Variants in ADGRF5 observed in about 807,000 individuals in gnomAD.
ADGRF5 encodes adhesion G protein-coupled receptor F5.
Under a neutral mutation model 132.3 loss-of-function variants are expected in ADGRF5, and 75 were observed. The observed-to-expected ratio is 0.57, with a 90% CI of 0.47 to 0.69. The LOEUF is 0.69. Ranked by LOEUF, ADGRF5 falls within the 30% of genes least tolerant of loss-of-function variation. The pLI is 0.00. For missense variants in ADGRF5, 1,516 were observed against 1,630.6 expected, an observed-to-expected ratio of 0.93 and a Z score of 1.21; for synonymous variants, 629 against 597.6, an observed-to-expected ratio of 1.05 and a Z score of -0.77.
intron 4 of ADGRF5, among the ~76,000 whole-genome samples, chr6:46,886,000 A>G (rs1773035997): frequency 6.6e-6 from 1 of 152,212 alleles, no homozygotes; most frequent in Non-Finnish European, 1.5e-5. Flanking sequence ...GTGCAAGTAA[A>G]TTTGTGTCTT....
At chr6:46,892,544 G>T (rs1269646274) in intron 3 of ADGRF5, among the ~76,000 whole-genome samples, 1 of 152,146 alleles carries the variant, frequency 6.6e-6, no homozygotes, top group African/African-American at 2.4e-5. Context: ...AAGGTCAGGA[G>T]TTCGAGACCT....
chr6:46,940,498 G>T lies in ADGRF5; in HGVS notation c.-25+14236C>A, dbSNP rs112730578. On this transcript the variant is annotated intron_variant, in intron 1 of 20. Transcript: ENST00000265417. The stretch of plus-strand genomic sequence containing the variant: ...CAATGGAGGAAATAACAGCCCTCAG[G>T]ATATATTTCAGCCTTAGCCAGTTGG... 9.9e-3 allele frequency among the ~76,000 whole-genome samples: 1,514 copies of T among 152,172 alleles called. 25 individuals carry two copies. The highest frequency in any genetic ancestry group is 0.033 in the African/African-American group (1,374 of 41,504).
intron 1 of ADGRF5, among the ~76,000 whole-genome samples, chr6:46,944,680 TATACTA>T (rs1778232329): frequency 6.6e-6 from 1 of 152,220 alleles, no homozygotes; most frequent in African/African-American, 2.4e-5. Context: ...ACGGTTCTCT[TATACTA>T]ATATATTATA....
intron 3 of ADGRF5, among the ~76,000 whole-genome samples, chr6:46,893,058 A>ATTTTT (rs35014340): frequency 0.037 from 3,202 of 86,720 alleles, 390 homozygotes; most frequent in Non-Finnish European, 0.047. Flanking sequence ...GACAACAGGG[A>ATTTTT]TTTTTTTTTT....
intron 15 of ADGRF5, among the ~76,000 whole-genome samples, 186 bp downstream of exon 15, chr6:46,862,702 G>GTTTTT (rs1562148328): frequency 2.6e-4 from 9 of 34,382 alleles, no homozygotes; most frequent in Admixed American, 5.1e-4. Flanking sequence ...TTGAATTGAG[G>GTTTTT]CTTTTTTTTT....
intron 1 of ADGRF5, among the ~76,000 whole-genome samples, chr6:46,945,789 G>C (rs1431410732): frequency 6.6e-6 from 1 of 152,216 alleles, no homozygotes; most frequent in Non-Finnish European, 1.5e-5. Flanking sequence ...AGGTTTAATG[G>C]ACTCACATTT....
chr6:46,877,823 C>G (rs1771984474), intron 10 of ADGRF5, among the ~76,000 whole-genome samples: 1 of 152,116 alleles, frequency 6.6e-6, no homozygotes, highest in Non-Finnish European at 1.5e-5. Context: ...AGGAGAAGCT[C>G]CAAGTCAGAC....
intron 1 of ADGRF5, among the ~76,000 whole-genome samples, chr6:46,927,394 G>A (rs1366109341): frequency 2.0e-5 from 3 of 152,180 alleles, no homozygotes; most frequent in Admixed American, 1.3e-4. Context: ...CACAAGCAGC[G>A]TTAGTGTCAG....
At chr6:46,952,780 A>G (rs746228890) in intron 1 of ADGRF5, among the ~76,000 whole-genome samples, 10 of 152,236 alleles carry the variant, frequency 6.6e-5, no homozygotes, top group Non-Finnish European at 7.3e-5. Flanking sequence ...GGGTTTAGAC[A>G]TAGAAGACCA....
chr6:46,867,045 T>C lies in ADGRF5; in HGVS notation c.1714A>G (p.Met572Val), dbSNP rs941068239. Residue 572 changes from methionine to valine, a missense_variant, in exon 13 of 21, where the codon ATG (methionine) becomes GTG (valine). Around this residue, in one of 2 missense-constraint regions of ADGRF5, gnomAD observed 945 missense variants for 929.4 expected, o/e 1.02. Transcript: ENST00000283296. ...VHPLPLKLNI[M>V]VDPLEATVSC... ...ACAGTAGCTTCCAAAGGATCAACCA[T>C]GATGTTCAGCTTTAGAGGCAGCGGG... 3.7e-6 allele frequency: 6 copies of C among 1,613,556 alleles called. No individual in the cohort carries two copies. The African/African-American group carries it at 8.0e-5, about 22-fold the overall frequency.
At chr6:46,926,215 C>A (rs1024320051), upstream of ADGRF5, among the ~76,000 whole-genome samples, 1 of 152,172 alleles carries the variant, frequency 6.6e-6, no homozygotes, top group Non-Finnish European at 1.5e-5. Context: ...CCCATTCCAC[C>A]AATAGACAGT....
rs1441888583 is a variant in ADGRF5, at chr6:46,852,858, T to C, written c.*1134A>G. 1 of 152,478 alleles carries C rather than the reference T, an allele frequency of 6.6e-6. No individual in the cohort carries two copies. The highest frequency in any genetic ancestry group is 2.4e-5 in the African/African-American group (1 of 41,396). 9.4% of individuals were successfully genotyped at this position (152,478 alleles called of 1,614,324 possible). A position where few individuals can be genotyped will look rare whatever the true frequency, so the allele number is the denominator to read the frequency against. On this transcript the variant is annotated 3_prime_UTR_variant, in exon 21 of 21. Coordinates refer to ENST00000283296, the MANE Select transcript of ADGRF5 (RefSeq NM_001098518.2). ...CTTAAAGATGGAAACAGAGAATACA[T>C]AGGGAGCTATGCAACACACCAAGGG...
intron 3 of ADGRF5, among the ~76,000 whole-genome samples, chr6:46,899,482 G>T (rs113209838): frequency 2.0e-5 from 3 of 152,198 alleles, no homozygotes; most frequent in African/African-American, 7.2e-5. Flanking sequence ...TTGAGGGTCG[G>T]TGTTTCAGAA....
chr6:46,902,346 G>A (rs918615426), intron 2 of ADGRF5, among the ~76,000 whole-genome samples: 7 of 152,184 alleles, frequency 4.6e-5, no homozygotes, highest in Admixed American at 1.3e-4. Flanking sequence ...GAACTTGACC[G>A]CCAATGGTCA....
intron 20 of ADGRF5, chr6:46,854,928 A>G (rs909690794): frequency 1.3e-5 from 5 of 383,396 alleles, no homozygotes; most frequent in Non-Finnish European, 2.5e-5. Flanking sequence ...TGGAGTTTTA[A>G]CAGTTATAGG....
intron 7 of ADGRF5, 92 bp from the exon 8 acceptor site, chr6:46,881,689 C>A: frequency 2.8e-6 from 3 of 1,085,926 alleles, no homozygotes; most frequent in Non-Finnish European, 4.1e-6. Flanking sequence ...CAAAATAGCA[C>A]AAACTGCCTG....
At chr6:46,903,897 G>A (rs1035609170) in intron 2 of ADGRF5, among the ~76,000 whole-genome samples, 5 of 152,190 alleles carry the variant, frequency 3.3e-5, no homozygotes, top group African/African-American at 1.2e-4. Flanking sequence ...GAACATTGAA[G>A]CCTCACAACG....
chr6:46,933,906 C>A lies in ADGRF5; in HGVS notation c.-25+20828G>T, dbSNP rs1304438945. Among the ~76,000 whole-genome samples the A allele has an allele frequency of 3.3e-5, 5 of 152,198 alleles. No homozygotes were observed. The East Asian group carries it at 9.6e-4, about 29-fold the overall frequency. ...TCAACAATTACACGATTATTCCAGA[C>A]CCATCGCCCTTGGTTTTGCCTCATC... On this transcript the variant is annotated intron_variant, in intron 1 of 20. Transcript: ENST00000265417.
At position 46,863,029 on chromosome 6, in the gene ADGRF5, T is replaced by C; in HGVS notation, c.2058A>G (p.Leu686=). The change falls in exon 15 of 21, where the codon CTA becomes CTG. Residue 686 remains leucine (L), a synonymous_variant. Transcript: ENST00000283296. The part of the protein sequence containing the change: ...VGEPGKVIQK[L]CRFSNVPSSP... ...TGCTGGGAACGTTTGAGAACCGGCA[T>C]AGCTTCTGGATGACTTTCCCCGGCT... 1.9e-6 allele frequency: 3 copies of C among 1,613,978 alleles called. No individual in the cohort carries two copies. Among genetic ancestry groups the C allele is most frequent in the Non-Finnish European group, 2.5e-6 (3 of 1,179,910 alleles).
Sources: gnomAD v4.1 joint callset for allele counts (sites outside exome capture counted in the v4.1 genomes callset) on GRCh38, gnomAD v4.1.1 for gene constraint, gnomAD v4.1.1 regional missense constraint, MANE v1.5 for transcripts, NCBI Gene and HGNC (gene_info 2026-07-23, HGNC 2026-07-21) for gene names.